Variants in PHACTR2 observed in about 807,000 individuals in gnomAD.
PHACTR2 encodes the protein phosphatase and actin regulator 2, also known as chromosome 6 open reading frame 56.
In PHACTR2, 30 loss-of-function variants were observed where a neutral mutation model predicts 76.0. The ratio of observed to expected loss-of-function variants is 0.39; its 90% CI spans 0.30 to 0.54. PHACTR2 has a LOEUF of 0.54. PHACTR2 is among the 20% of genes least tolerant of loss of function. PHACTR2 has a pLI of 0.61. For synonymous variants in PHACTR2, 292 were observed against 292.5 expected, an observed-to-expected ratio of 1.00 and a Z score of 0.02; for missense variants, 696 against 781.1, an observed-to-expected ratio of 0.89 and a Z score of 1.30.
rs933495653 is a variant in PHACTR2, at chr6:143,648,703, C to G, written c.13+40381C>G. 2.0e-5 allele frequency among the ~76,000 whole-genome samples: 3 copies of G among 152,112 alleles called. No individual in the cohort carries two copies. The highest frequency in any genetic ancestry group is 4.4e-5 in the Non-Finnish European group (3 of 68,018). On this transcript the variant is annotated intron_variant, in intron 1 of 11. Transcript: ENST00000305766. The surrounding 1 kb of genome is among the most constrained non-coding windows in gnomAD (Gnocchi z 6.7). ...GGAAAGTGTAATTCAGACAGGCAGA[C>G]TACTCTGTCTGCATTCCTACAACTG...
rs535499903 is a variant in PHACTR2, at chr6:143,755,607, C to G, written c.454+1695C>G. 1 of 288,070 alleles carries G rather than the reference C, an allele frequency of 3.5e-6. No homozygotes were observed. The highest frequency in any genetic ancestry group is 3.3e-5 in the South Asian group (1 of 30,756). 17.8% of individuals were successfully genotyped at this position (288,070 alleles called of 1,614,324 possible). Reference sequence around the variant, plus strand: ...TTAGAATTAGTACATTCAATTCTTCCTTATCTGATAAGGTCCAAGAGAGCC... The same window carrying G: ...TTAGAATTAGTACATTCAATTCTTCGTTATCTGATAAGGTCCAAGAGAGCC... On this transcript the variant is annotated intron_variant, in intron 4 of 12. Coordinates refer to ENST00000440869, the MANE Select transcript of PHACTR2 (RefSeq NM_001100164.2). The surrounding 1 kb of genome is among the most constrained non-coding windows in gnomAD (Gnocchi z 5.2).
chr6:143,807,182 C>A lies in PHACTR2; in HGVS notation c.1922+49C>A. 1 of 1,091,048 alleles carries A rather than the reference C, an allele frequency of 9.2e-7. No individual in the cohort carries two copies. Among genetic ancestry groups the A allele is most frequent in the South Asian group, 1.3e-5 (1 of 74,642 alleles). 67.6% of individuals were successfully genotyped at this position (1,091,048 alleles called of 1,614,324 possible). On this transcript the variant is annotated intron_variant, in intron 12 of 12. Transcript: ENST00000440869. This position sits in a 1 kb window ranked among gnomAD's most constrained non-coding sequence, Gnocchi z 5.5. The stretch of plus-strand genomic sequence containing the variant: ...AAATTGAAAATGCTTAAGATGTGAT[C>A]CCATGTTGAGTTGGTTAAAAAAAGA...
At chr6:143,609,155 C>A (rs191152429) in intron 1 of PHACTR2, among the ~76,000 whole-genome samples, 1 of 152,180 alleles carries the variant, frequency 6.6e-6, no homozygotes, top group Non-Finnish European at 1.5e-5. Flanking sequence ...CCTTGAGACA[C>A]GGTCAGCTCT....
intron 1 of PHACTR2, among the ~76,000 whole-genome samples, chr6:143,538,186 C>T (rs1467836136): frequency 6.6e-6 from 1 of 152,208 alleles, no homozygotes; most frequent in African/African-American, 2.4e-5. Context: ...CTGCCCTGTG[C>T]CCCGTGCACC....
chr6:143,732,475 A>G (rs1475198724), intron 2 of PHACTR2, among the ~76,000 whole-genome samples: 1 of 152,254 alleles, frequency 6.6e-6, no homozygotes, highest in Non-Finnish European at 1.5e-5. Flanking sequence ...ATTATCAAAT[A>G]CCAAACATTC....
Position 143,757,250 on chromosome 6 carries a change from C to T in PHACTR2, c.455-3151C>T, listed in dbSNP as rs1334287057. Among the ~76,000 whole-genome samples the T allele has an allele frequency of 6.6e-6, 1 of 152,144 alleles. No individual in the cohort carries two copies. The highest frequency in any genetic ancestry group is 2.4e-5 in the African/African-American group (1 of 41,446). On this transcript the variant is annotated intron_variant, in intron 4 of 12. Transcript: ENST00000440869. This position sits in a 1 kb window ranked among gnomAD's most constrained non-coding sequence, Gnocchi z 4.2. ...AAAAGAGTAGTAAATGAAAAATGGC[C>T]TTTGCCTTAAGAGCATGACCTGTGA...
At position 143,755,011 on chromosome 6, in the gene PHACTR2, C is replaced by T. The variant is rs1040801866; in HGVS notation, c.454+1099C>T. ...ATCATCCTCTGTGGAAGTTCATAAC[C>T]GTTCATTATTTGCATATATATTAGC... On this transcript the variant is annotated intron_variant, in intron 4 of 12. Coordinates refer to ENST00000440869, the MANE Select transcript of PHACTR2 (RefSeq NM_001100164.2). The surrounding 1 kb of genome is among the most constrained non-coding windows in gnomAD (Gnocchi z 5.2). Among the ~76,000 whole-genome samples the T allele has an allele frequency of 3.3e-5, 5 of 152,170 alleles. No homozygotes were observed. The highest frequency in any genetic ancestry group is 3.9e-4 in the East Asian group (2 of 5,194).
Position 143,554,895 on chromosome 6 carries a change from A to G in PHACTR2, c.217+17688A>G, listed in dbSNP as rs1458988709. 6.6e-6 allele frequency: 1 copy of G among 152,144 alleles called. No homozygotes were observed. The highest frequency in any genetic ancestry group is 2.4e-5 in the African/African-American group (1 of 41,512). 9.4% of individuals were successfully genotyped at this position (152,144 alleles called of 1,614,324 possible). A position where few individuals can be genotyped will look rare whatever the true frequency, so the allele number is the denominator to read the frequency against. Reference sequence around the variant, plus strand: ...ATCCTTTGCCCTTTGTTCCTGTTGCATTATTTTCTTAACTCTTGGTGTGTT... The same window carrying G: ...ATCCTTTGCCCTTTGTTCCTGTTGCGTTATTTTCTTAACTCTTGGTGTGTT... On this transcript the variant is annotated intron_variant, in intron 1 of 11. Transcript: ENST00000367584. This position sits in a 1 kb window ranked among gnomAD's most constrained non-coding sequence, Gnocchi z 5.9.
intron 1 of PHACTR2, among the ~76,000 whole-genome samples, chr6:143,601,790 T>G (rs190046900): frequency 8.5e-5 from 13 of 152,362 alleles, no homozygotes; most frequent in African/African-American, 3.1e-4. Flanking sequence ...ACGCTTTTTA[T>G]GTATTAGCAA....
Position 143,787,665 on chromosome 6 carries a change from C to G in PHACTR2, c.1708-1108C>G, listed in dbSNP as rs1417640697. On this transcript the variant is annotated intron_variant, in intron 10 of 12. Coordinates refer to ENST00000440869, the MANE Select transcript of PHACTR2 (RefSeq NM_001100164.2). The surrounding 1 kb of genome is among the most constrained non-coding windows in gnomAD (Gnocchi z 4.6). Reference sequence around the variant, plus strand: ...TTGTGGCTTATGCCTGTAACCCCAGCACTTTGGGAGGCTGAGATGGGAGAA... The same window carrying G: ...TTGTGGCTTATGCCTGTAACCCCAGGACTTTGGGAGGCTGAGATGGGAGAA... 6.6e-6 allele frequency among the ~76,000 whole-genome samples: 1 copy of G among 152,090 alleles called. No individual in the cohort carries two copies. The highest frequency in any genetic ancestry group is 2.4e-5 in the African/African-American group (1 of 41,408).
At position 143,751,863 on chromosome 6, in the gene PHACTR2, C is replaced by T. The variant is rs1779190179; in HGVS notation, c.296-1891C>T. Among the ~76,000 whole-genome samples, 1 of 150,938 alleles carries T rather than the reference C, an allele frequency of 6.6e-6. No homozygotes were observed. The highest frequency in any genetic ancestry group is 1.5e-5 in the Non-Finnish European group (1 of 67,788). ...TTAACTTATTTTAATTCTAAAACAA[C>T]TTCCTTAACACTCAATACTAGAAAG... On this transcript the variant is annotated intron_variant, in intron 3 of 12. Transcript: ENST00000440869. The surrounding 1 kb of genome is among the most constrained non-coding windows in gnomAD (Gnocchi z 5.7).
chr6:143,638,098 T>C (rs1776494934), intron 1 of PHACTR2, among the ~76,000 whole-genome samples: 1 of 152,216 alleles, frequency 6.6e-6, no homozygotes, highest in South Asian at 2.1e-4. Flanking sequence ...ATAATATTTT[T>C]AGTGTGTAGT....
At position 143,809,352 on chromosome 6, in the gene PHACTR2, ATTTTTTGT is replaced by A. The variant is rs1457139520; in HGVS notation, c.1922+2230_1922+2237del. On this transcript the variant is annotated intron_variant, in intron 12 of 12. Coordinates refer to ENST00000440869, the MANE Select transcript of PHACTR2 (RefSeq NM_001100164.2). The surrounding 1 kb of genome is among the most constrained non-coding windows in gnomAD (Gnocchi z 4.2). ...AGGGTCATTTTGTTTTTGTGGGGGT[ATTTTTTGT>A]TTTTTTGTTTGTTTGTTTGTTTGTT... Among the ~76,000 whole-genome samples the A allele has an allele frequency of 1.3e-5, 2 of 151,782 alleles. No individual in the cohort carries two copies. Among genetic ancestry groups the A allele is most frequent in the Non-Finnish European group, 2.9e-5 (2 of 67,952 alleles).
rs66800720 is a variant in PHACTR2, at chr6:143,618,256, AACACACAC to A, written c.13+9957_13+9964del. Among the ~76,000 whole-genome samples, 1 of 145,214 alleles carries A rather than the reference AACACACAC, an allele frequency of 6.9e-6. No homozygotes were observed. The highest frequency in any genetic ancestry group is 2.6e-5 in the African/African-American group (1 of 38,808). ...GTTCCACCTTGTACTTCCTGCTCCAAACACACACACACACACACACACACACACACGCA... is the reference window on the plus strand; with the variant it reads ...GTTCCACCTTGTACTTCCTGCTCCAAACACACACACACACACACACACGCA... On this transcript the variant is annotated intron_variant, in intron 1 of 11. Coordinates refer to the PHACTR2 transcript ENST00000305766. This position sits in a 1 kb window ranked among gnomAD's most constrained non-coding sequence, Gnocchi z 5.2.
rs183448662 is a variant in PHACTR2, at chr6:143,774,527, A to G, written c.1589+312A>G. Among the ~76,000 whole-genome samples the G allele has an allele frequency of 2.6e-5, 4 of 152,346 alleles. No individual in the cohort carries two copies. The highest frequency in any genetic ancestry group is 5.9e-5 in the Non-Finnish European group (4 of 68,026). ...AGCTACTCAACTGCGCTGCTGTAGCATAAAAGCAGCCATAAATAATAGATA... is the reference window on the plus strand; with the variant it reads ...AGCTACTCAACTGCGCTGCTGTAGCGTAAAAGCAGCCATAAATAATAGATA... On this transcript the variant is annotated intron_variant, in intron 8 of 12. Coordinates refer to ENST00000440869, the MANE Select transcript of PHACTR2 (RefSeq NM_001100164.2). This position sits in a 1 kb window ranked among gnomAD's most constrained non-coding sequence, Gnocchi z 5.4.
rs955622149 is a variant in PHACTR2, at chr6:143,578,796, G to C, written c.217+41589G>C. Among the ~76,000 whole-genome samples, 1 of 152,110 alleles carries C rather than the reference G, an allele frequency of 6.6e-6. No homozygotes were observed. Among genetic ancestry groups the C allele is most frequent in the African/African-American group, 2.4e-5 (1 of 41,422 alleles). On this transcript the variant is annotated intron_variant, in intron 1 of 11. Coordinates refer to the PHACTR2 transcript ENST00000367584. This position sits in a 1 kb window ranked among gnomAD's most constrained non-coding sequence, Gnocchi z 4.5. Reference sequence around the variant, plus strand: ...GAGTCAGAAGTGAAAGCAGCTCAAAGATGAGGGAGAAGACGATGACCAAGT... The same window carrying C: ...GAGTCAGAAGTGAAAGCAGCTCAAACATGAGGGAGAAGACGATGACCAAGT...
chr6:143,772,194 T>C lies in PHACTR2; in HGVS notation c.1233-64T>C. 2 of 1,147,320 alleles carry C rather than the reference T, an allele frequency of 1.7e-6. No individual in the cohort carries two copies. The highest frequency in any genetic ancestry group is 2.4e-5 in the East Asian group (1 of 42,540). 71.1% of individuals were successfully genotyped at this position (1,147,320 alleles called of 1,614,324 possible). ...ATGAAACTAGAGCTCTTTTTCTTAGTGTCAGTGCCGCCAAGGGTTGCTCTG... is the reference window on the plus strand; with the variant it reads ...ATGAAACTAGAGCTCTTTTTCTTAGCGTCAGTGCCGCCAAGGGTTGCTCTG... On this transcript the variant is annotated intron_variant, in intron 6 of 12. Coordinates refer to ENST00000440869, the MANE Select transcript of PHACTR2 (RefSeq NM_001100164.2). This position sits in a 1 kb window ranked among gnomAD's most constrained non-coding sequence, Gnocchi z 5.4.
In PHACTR2 at chr6:143,680,940, AT is replaced by A. The variant is rs901764835; in HGVS notation, c.46+2734del. ...ATGTTGTAGCATGTATCAGTTGTTC[AT>A]TTCTTTTTATTGCCAAATAATATTC... is the stretch of plus-strand genomic sequence containing the variant. On this transcript the variant is annotated intron_variant, in intron 1 of 12. Transcript: ENST00000440869. The surrounding 1 kb of genome is among the most constrained non-coding windows in gnomAD (Gnocchi z 4.5). 2.0e-5 allele frequency among the ~76,000 whole-genome samples: 3 copies of A among 152,080 alleles called. No homozygotes were observed. Among genetic ancestry groups the A allele is most frequent in the Non-Finnish European group, 2.9e-5 (2 of 67,996 alleles).
intron 2 of PHACTR2, among the ~76,000 whole-genome samples, chr6:143,736,572 T>C (rs1778824439): frequency 1.0e-5 from 1 of 96,410 alleles, no homozygotes; most frequent in African/African-American, 5.1e-5. Context: ...TTTTTTTTTT[T>C]TTTTTTTTTT....
Sources: gnomAD v4.1 joint callset for allele counts (sites outside exome capture counted in the v4.1 genomes callset) on GRCh38, gnomAD v4.1.1 for gene constraint, Gnocchi (gnomAD v3.1) non-coding constraint, MANE v1.5 for transcripts, NCBI Gene and HGNC (gene_info 2026-07-23, HGNC 2026-07-21) for gene names.